Variants in CNIH3 observed in about 807,000 individuals in gnomAD.
CNIH3 encodes cornichon family AMPA receptor auxiliary protein 3, also known as protein cornichon homolog 3.
Under a neutral mutation model 24.1 loss-of-function variants are expected in CNIH3, and 14 were observed. That is an observed-to-expected ratio of 0.58 (90% CI 0.38 to 0.91). The LOEUF is 0.91. Ranked by LOEUF, CNIH3 falls within the 40% of genes least tolerant of loss-of-function variation. The pLI, the probability that CNIH3 is intolerant of heterozygous loss-of-function variation, is 0.00. For synonymous variants in CNIH3, 68 were observed against 73.8 expected (o/e 0.92, Z 0.40); for missense variants, 178 against 196.8 (o/e 0.90, Z 0.57).
intron 1 of CNIH3, among the ~76,000 whole-genome samples, chr1:224,486,073 G>T (rs1385170262): frequency 1.3e-5 from 2 of 151,844 alleles, no homozygotes; most frequent in African/African-American, 4.8e-5. Flanking sequence ...GATTTCCAGG[G>T]GTTACCACAG....
rs1378858441 is a variant in CNIH3 at position 224,730,686 on chromosome 1, C to G, written c.311+112C>G. On this transcript the variant is annotated intron_variant, in intron 4 of 5. Coordinates refer to ENST00000272133, the MANE Select transcript of CNIH3 (RefSeq NM_152495.2). ...TTCTATTGCCTTCCAATCATCCCTT[C>G]CTTTCTGGGTCTCTCTCTTTAAAGC... 10 of 662,858 alleles carry G rather than the reference C, an allele frequency of 1.5e-5. No homozygotes were observed. In the African/African-American group the frequency reaches 1.8e-4, roughly 12 times the overall value. 41.1% of individuals were successfully genotyped at this position (662,858 alleles called of 1,614,324 possible).
intron 3 of CNIH3, among the ~76,000 whole-genome samples, chr1:224,709,657 A>T (rs979427762): frequency 6.6e-6 from 1 of 152,248 alleles, no homozygotes; most frequent in Non-Finnish European, 1.5e-5. Flanking sequence ...AGGCAAGTCC[A>T]GGAGCAAGAG....
chr1:224,652,165 C>G (rs1316671407), intron 1 of CNIH3, among the ~76,000 whole-genome samples: 1 of 152,060 alleles, frequency 6.6e-6, no homozygotes, highest in Non-Finnish European at 1.5e-5. Context: ...TGAGGGATGG[C>G]AGGTAATGGG....
intron 1 of CNIH3, among the ~76,000 whole-genome samples, chr1:224,449,920 T>C (rs1366437442): frequency 1.3e-5 from 2 of 151,996 alleles, no homozygotes; most frequent in African/African-American, 4.8e-5. Flanking sequence ...ATTTGCTGAA[T>C]GGATTCTTCC....
At chr1:224,477,103 A>T (rs1436119246) in intron 1 of CNIH3, among the ~76,000 whole-genome samples, 1 of 152,214 alleles carries the variant, frequency 6.6e-6, no homozygotes, top group Non-Finnish European at 1.5e-5. Context: ...TTGAGAAAGC[A>T]AGCAGCCTCC....
At chr1:224,687,901 G>A (rs1686739684) in intron 3 of CNIH3, among the ~76,000 whole-genome samples, 1 of 152,216 alleles carries the variant, frequency 6.6e-6, no homozygotes, top group Non-Finnish European at 1.5e-5. Context: ...TTAGGACATG[G>A]GAGATGAAAT....
intron 4 of CNIH3, among the ~76,000 whole-genome samples, chr1:224,731,307 C>T (rs1023226278): frequency 2.6e-5 from 4 of 151,750 alleles, no homozygotes; most frequent in African/African-American, 9.7e-5. Flanking sequence ...ACCAGATGGG[C>T]TGGATTTTCT....
At chr1:224,673,896 C>T (rs1259798662) in intron 1 of CNIH3, among the ~76,000 whole-genome samples, 1 of 152,130 alleles carries the variant, frequency 6.6e-6, no homozygotes, top group Non-Finnish European at 1.5e-5. Context: ...GGATGGAGCA[C>T]TAACCAGTCA....
At chr1:224,696,143 A>G (rs968040582) in intron 3 of CNIH3, among the ~76,000 whole-genome samples, 6 of 152,186 alleles carry the variant, frequency 3.9e-5, no homozygotes, top group African/African-American at 7.2e-5. Context: ...AAAGCTGTCT[A>G]GAGACCCAGG....
intron 1 of CNIH3, among the ~76,000 whole-genome samples, chr1:224,624,100 T>C (rs1042142999): frequency 1.3e-5 from 2 of 152,212 alleles, no homozygotes; most frequent in African/African-American, 2.4e-5. Context: ...GTGTATCTTA[T>C]CTCTTTTCCA....
chr1:224,510,785 T>C (rs1420729211), intron 1 of CNIH3, among the ~76,000 whole-genome samples: 2 of 152,118 alleles, frequency 1.3e-5, no homozygotes, highest in Non-Finnish European at 2.9e-5. Context: ...AAGGGGGTTC[T>C]GGAGCACATA....
chr1:224,522,072 T>C, intron 2 of CNIH3, among the ~76,000 whole-genome samples: 1 of 152,210 alleles, frequency 6.6e-6, no homozygotes, highest in South Asian at 2.1e-4. Flanking sequence ...CCCTTAGGAC[T>C]CACAGCATGT....
intron 3 of CNIH3, among the ~76,000 whole-genome samples, chr1:224,700,145 C>CT (rs1380531201): frequency 1.3e-5 from 2 of 152,186 alleles, no homozygotes; most frequent in Non-Finnish European, 2.9e-5. Flanking sequence ...ACTGGACTCT[C>CT]TCCCCTGTAT....
chr1:224,685,041 G>A (rs1183808925), intron 3 of CNIH3, among the ~76,000 whole-genome samples, 198 bp downstream of exon 3: 1 of 152,194 alleles, frequency 6.6e-6, no homozygotes, highest in Non-Finnish European at 1.5e-5. Flanking sequence ...ATTAAAGGAG[G>A]TGGCCATCAA....
intron 1 of CNIH3, among the ~76,000 whole-genome samples, chr1:224,491,030 T>C (rs1423860912): frequency 2.0e-5 from 3 of 152,242 alleles, no homozygotes; most frequent in Non-Finnish European, 4.4e-5. Context: ...AAGACTCAGC[T>C]ATTGTTACAG....
intron 3 of CNIH3, among the ~76,000 whole-genome samples, chr1:224,720,631 G>T (rs995208710): frequency 2.9e-4 from 44 of 152,272 alleles, no homozygotes; most frequent in African/African-American, 1.0e-3. Context: ...TGATGTCGAG[G>T]CTCATTATCA....
chr1:224,721,273 C>A (rs1688709877), intron 3 of CNIH3, among the ~76,000 whole-genome samples: 1 of 152,086 alleles, frequency 6.6e-6, no homozygotes, highest in Admixed American at 6.5e-5. Flanking sequence ...GCTTGTTGAA[C>A]CCTTAACCCC....
chr1:224,689,522 C>G (rs1014590637), intron 3 of CNIH3, among the ~76,000 whole-genome samples: 1 of 152,202 alleles, frequency 6.6e-6, no homozygotes, highest in Non-Finnish European at 1.5e-5. Context: ...TCCCTCCCGT[C>G]TCTCTCGTTT....
intron 1 of CNIH3, among the ~76,000 whole-genome samples, chr1:224,492,919 G>A (rs761786801): frequency 3.3e-5 from 5 of 152,188 alleles, no homozygotes; most frequent in Admixed American, 2.0e-4. Context: ...AGAAAAGCAG[G>A]CACCATCTGT....
Sources: gnomAD v4.1 joint callset for allele counts (sites outside exome capture counted in the v4.1 genomes callset) on GRCh38, gnomAD v4.1.1 for gene constraint, MANE v1.5 for transcripts, NCBI Gene and HGNC (gene_info 2026-07-23, HGNC 2026-07-21) for gene names.